BAG2: variants seen among roughly 807,000 people sequenced by gnomAD.
The protein encoded by BAG2 is BAG family molecular chaperone regulator 2.
In BAG2, 8 loss-of-function variants were observed where a neutral mutation model predicts 16.4. The ratio of observed to expected loss-of-function variants is 0.49; its 90% CI spans 0.29 to 0.88. The LOEUF (loss-of-function observed/expected upper bound fraction) is 0.88. Ranked by LOEUF, BAG2 falls within the 40% of genes least tolerant of loss-of-function variation. BAG2 has a pLI of 0.09. For missense variants in BAG2, 218 were observed against 248.9 expected (o/e 0.88, Z 0.84); for synonymous variants, 82 against 89.2 (o/e 0.92, Z 0.46).
Position 57,172,667 on chromosome 6 carries a change from A to G in BAG2, c.-31A>G. On this transcript the variant is annotated 5_prime_UTR_variant, in exon 1 of 3. Coordinates refer to ENST00000370693, the MANE Select transcript of BAG2 (RefSeq NM_004282.4). The stretch of plus-strand genomic sequence containing the variant: ...CTCGCTGCCGCCGGAGGGGCCGGTG[A>G]CCTCTTGGCTACCCCGCGTCGGAGG... 1 of 1,468,532 alleles carries G rather than the reference A, an allele frequency of 6.8e-7. No homozygotes were observed. The highest frequency in any genetic ancestry group is 9.1e-7 in the Non-Finnish European group (1 of 1,100,298). 91.0% of individuals were successfully genotyped at this position (1,468,532 alleles called of 1,614,324 possible). A position where few individuals can be genotyped will look rare whatever the true frequency, so the allele number is the denominator to read the frequency against.
Position 57,181,935 on chromosome 6 carries a change from A to T in BAG2, c.114-97A>T, listed in dbSNP as rs180884669. On this transcript the variant is annotated intron_variant, in intron 1 of 2. Transcript: ENST00000370693. Reference sequence around the variant, plus strand: ...TGAAGAATTTTTGAAAAGTTTGGTGATCTTTAAACTTGATTTGGGTTGAAT... The same window carrying T: ...TGAAGAATTTTTGAAAAGTTTGGTGTTCTTTAAACTTGATTTGGGTTGAAT... 2.4e-4 allele frequency: 241 copies of T among 1,020,920 alleles called. No homozygotes were observed. The African/African-American group carries it at 3.5e-3, about 15-fold the overall frequency. The allele number at this position is 1,020,920 out of a possible 1,614,324, so 63.2% of individuals were successfully genotyped here. A position where few individuals can be genotyped will look rare whatever the true frequency, so the allele number is the denominator to read the frequency against.
chr6:57,174,419 T>A (rs1764221860), intron 1 of BAG2: 6 of 1,300,418 alleles, frequency 4.6e-6, no homozygotes, highest in Middle Eastern at 2.1e-4. Flanking sequence ...CACTCTGAAG[T>A]GCTCCTCTTT....
At chr6:57,173,708 TG>T (rs1347461226) in intron 1 of BAG2, 1 of 222,036 alleles carries the variant, frequency 4.5e-6, no homozygotes, top group Admixed American at 6.5e-5. Flanking sequence ...TGTGAGCAGG[TG>T]TAGTTAAAAG....
chr6:57,172,758 A>G lies in BAG2; in HGVS notation c.61A>G (p.Met21Val), dbSNP rs900472690. 6.3e-7 allele frequency: 1 copy of G among 1,582,136 alleles called. No individual in the cohort carries two copies. Among genetic ancestry groups the G allele is most frequent in the Non-Finnish European group, 8.6e-7 (1 of 1,167,094 alleles). Residue 21 changes from methionine (M) to valine (V), a missense_variant, in exon 1 of 3, where the codon ATG becomes GTG. Physicochemically the swap from Met to Val is conservative, Grantham distance 21. This residue lies in a region of BAG2 where 75 missense variants were observed against 63.1 expected (regional missense o/e 1.19). Coordinates refer to ENST00000370693, the MANE Select transcript of BAG2 (RefSeq NM_004282.4). ...NEGRFCRSSS[M>V]ADRSSRLLES... ...GGGGCGCTTCTGCCGCTCCTCCTCC[A>G]TGGCTGACCGCTCCAGCCGCCTGCT...
chr6:57,180,527 A>G (rs1764407965), intron 1 of BAG2, among the ~76,000 whole-genome samples: 1 of 152,150 alleles, frequency 6.6e-6, no homozygotes, highest in Non-Finnish European at 1.5e-5. Flanking sequence ...TAAATAGCGA[A>G]TATACATTCG....
chr6:57,182,228 T>A (rs574420183), intron 2 of BAG2, 87 bp downstream of exon 2: 41 of 1,093,328 alleles, frequency 3.8e-5, no homozygotes, highest in Non-Finnish European at 5.4e-5. Flanking sequence ...TGCTTGACTT[T>A]TGGTATGCGT....
intron 1 of BAG2, among the ~76,000 whole-genome samples, chr6:57,176,000 C>T (rs551963369): frequency 5.3e-5 from 8 of 152,226 alleles, no homozygotes; most frequent in Admixed American, 2.0e-4. Context: ...GATCTGATAC[C>T]GTCTCCAGGT....
rs1286605390 is a variant in BAG2 at position 57,172,749 on chromosome 6, T to A, written c.52T>A (p.Ser18Thr). ...AGCCAACGAGGGGCGCTTCTGCCGC[T>A]CCTCCTCCATGGCTGACCGCTCCAG... is the stretch of plus-strand genomic sequence containing the variant. ...AKANEGRFCR[S>T]SSMADRSSRL... The change falls in exon 1 of 3, where the codon TCC becomes ACC. Residue 18 changes from serine (S) to threonine (T), a missense_variant. By Grantham distance (58) the Ser-to-Thr change is moderately conservative (BLOSUM62 1). Coordinates refer to ENST00000370693, the MANE Select transcript of BAG2 (RefSeq NM_004282.4). 6.3e-7 allele frequency: 1 copy of A among 1,582,878 alleles called. No individual in the cohort carries two copies. Among genetic ancestry groups the A allele is most frequent in the Non-Finnish European group, 8.6e-7 (1 of 1,167,406 alleles).
In BAG2 at chr6:57,183,868, AG is replaced by A; in HGVS notation, c.315del (p.Gln105HisfsTer6). On this transcript the variant is annotated frameshift_variant, in exon 3 of 3. Transcript: ENST00000370693. LOFTEE classifies it high-confidence loss of function. ...EVSVETIRNPQQQESLKHATR... is the reference protein window; with the variant it reads ...EVSVETIRNPXQQESLKHATR... ...TCAGTAGAAACAATTAGAAACCCCC[AG>A]CAGCAAGAATCCCTAAAGCATGCCA... 6.2e-7 allele frequency: 1 copy of A among 1,614,136 alleles called. No homozygotes were observed. Among genetic ancestry groups the A allele is most frequent in the Non-Finnish European group, 8.5e-7 (1 of 1,180,012 alleles).
intron 1 of BAG2, chr6:57,173,522 G>A: frequency 1.0e-6 from 1 of 976,622 alleles, no homozygotes; most frequent in South Asian, 4.7e-5. Context: ...CTGAAAGCAT[G>A]AAAAGATAGT....
intron 1 of BAG2, among the ~76,000 whole-genome samples, chr6:57,181,738 A>G (rs2127993180): frequency 6.6e-6 from 1 of 152,320 alleles, no homozygotes; most frequent in African/African-American, 2.4e-5. Context: ...ATGCTAAGTG[A>G]AAAAATAAAA....
intron 1 of BAG2, chr6:57,173,300 T>C: frequency 1.0e-6 from 1 of 985,486 alleles, no homozygotes. Flanking sequence ...AGAACAAAAA[T>C]GAATAAAACA....
chr6:57,181,356 C>T (rs1361306859), intron 1 of BAG2, among the ~76,000 whole-genome samples: 2 of 152,184 alleles, frequency 1.3e-5, no homozygotes, highest in African/African-American at 4.8e-5. Flanking sequence ...GGTAGGTATA[C>T]ACATGGAGTA....
Position 57,184,480 on chromosome 6 carries a change from T to C in BAG2, c.*290T>C, listed in dbSNP as rs1479571491. On this transcript the variant is annotated 3_prime_UTR_variant, in exon 3 of 3. Transcript: ENST00000370693. ...CATAGTTTGTGGGGAAAACAAACGT[T>C]CAGCTAGGGGCAAAAAGCATGACTG... 1 of 210,378 alleles carries C rather than the reference T, an allele frequency of 4.8e-6. No individual in the cohort carries two copies. Among genetic ancestry groups the C allele is most frequent in the Non-Finnish European group, 9.4e-6 (1 of 106,300 alleles). The allele number at this position is 210,378 out of a possible 1,614,324, so 13.0% of individuals were successfully genotyped here.
chr6:57,182,180 C>A (rs1048286601), intron 2 of BAG2, 39 bp downstream of exon 2: 7 of 1,566,250 alleles, frequency 4.5e-6, no homozygotes, highest in Non-Finnish European at 6.2e-6. Context: ...ATCTTTTACA[C>A]TCCTTTAAAG....
chr6:57,182,492 G>A (rs897471294), intron 2 of BAG2, among the ~76,000 whole-genome samples: 1 of 147,208 alleles, frequency 6.8e-6, no homozygotes, highest in Non-Finnish European at 1.5e-5. Flanking sequence ...AAAAAGCAGA[G>A]GAAGAGGGTG....
At chr6:57,173,061 C>T (rs1764171868) in intron 1 of BAG2, 1 of 848,502 alleles carries the variant, frequency 1.2e-6, no homozygotes, top group Non-Finnish European at 1.5e-6. Context: ...TATCGGTGGC[C>T]ACACTTTGAT....
chr6:57,183,760 T>C lies in BAG2; in HGVS notation c.224-18T>C, dbSNP rs1199314681. 1 of 1,533,132 alleles carries C rather than the reference T, an allele frequency of 6.5e-7. No homozygotes were observed. The highest frequency in any genetic ancestry group is 8.8e-7 in the Non-Finnish European group (1 of 1,140,716). The allele number at this position is 1,533,132 out of a possible 1,614,324, so 95.0% of individuals were successfully genotyped here. Reference sequence around the variant, plus strand: ...TGTTTTTGACACAGATAAGTTTACATCTCATATTGATTTTTAGGAGAAAGA... The same window carrying C: ...TGTTTTTGACACAGATAAGTTTACACCTCATATTGATTTTTAGGAGAAAGA... On this transcript the variant is annotated intron_variant, in intron 2 of 2. Coordinates refer to ENST00000370693, the MANE Select transcript of BAG2 (RefSeq NM_004282.4).
In BAG2 at chr6:57,185,354, T is replaced by C. The variant is rs1329807342; in HGVS notation, c.*1164T>C. ...ATTTGTTCAAAGTAACTAGTCCTAT[T>C]GATATACAAAAACCACAACAACTTC... On this transcript the variant is annotated 3_prime_UTR_variant, in exon 3 of 3. Transcript: ENST00000370693. 1.3e-5 allele frequency: 2 copies of C among 152,212 alleles called. No homozygotes were observed. The highest frequency in any genetic ancestry group is 2.9e-5 in the Non-Finnish European group (2 of 68,036). The allele number at this position is 152,212 out of a possible 1,614,324, so 9.4% of individuals were successfully genotyped here. A position where few individuals can be genotyped will look rare whatever the true frequency, so the allele number is the denominator to read the frequency against.
Sources: allele counts gnomAD v4.1 joint callset (sites outside exome capture counted in the v4.1 genomes callset), GRCh38; gene constraint gnomAD v4.1.1; regional missense constraint gnomAD v4.1.1; transcripts MANE v1.5; gene names NCBI Gene and HGNC (gene_info 2026-07-23, HGNC 2026-07-21).